The following SHTN1 variants were observed in gnomAD, a reference collection of about 807,000 sequenced individuals.
SHTN1 encodes the protein shootin-1.
In SHTN1, 42 loss-of-function variants were observed where a neutral mutation model predicts 83.1. That is an observed-to-expected ratio of 0.51 (90% confidence interval 0.39 to 0.65). The LOEUF (loss-of-function observed/expected upper bound fraction) is 0.65, where lower values mean the gene tolerates loss of function less well. SHTN1 is among the 30% of genes least tolerant of loss of function. The pLI, the probability that SHTN1 is intolerant of heterozygous loss-of-function variation, is 0.00. For missense variants in SHTN1, 622 were observed against 737.8 expected (o/e 0.84, Z 1.82); for synonymous variants, 224 against 247.7 (o/e 0.90, Z 0.90).
chr10:117,058,514 A>C (rs1852856950), intron 1 of SHTN1, among the ~76,000 whole-genome samples: 1 of 152,214 alleles, frequency 6.6e-6, no homozygotes, highest in Non-Finnish European at 1.5e-5. Flanking sequence ...CTATTAAAAA[A>C]AGAACAGAAA....
intron 1 of SHTN1, among the ~76,000 whole-genome samples, chr10:116,987,740 C>A (rs1024186527): frequency 6.6e-6 from 1 of 151,958 alleles, no homozygotes; most frequent in South Asian, 2.1e-4. Context: ...CATAGTGAAA[C>A]CCCGTCTCTA....
chr10:116,989,457 A>T (rs1216725428), intron 1 of SHTN1, among the ~76,000 whole-genome samples: 1 of 152,236 alleles, frequency 6.6e-6, no homozygotes, highest in African/African-American at 2.4e-5. Flanking sequence ...ACTAAAGATA[A>T]TTAGGATGCA....
chr10:116,910,771 A>G (rs1419832), intron 14 of SHTN1, among the ~76,000 whole-genome samples: 90,652 of 152,072 alleles, frequency 0.6, 29,991 homozygotes, highest in Non-Finnish European at 0.74. Flanking sequence ...CAAAGAATCT[A>G]TTAGATAATC....
At chr10:116,963,514 A>G (rs1366426717) in intron 3 of SHTN1, among the ~76,000 whole-genome samples, 1 of 152,204 alleles carries the variant, frequency 6.6e-6, no homozygotes, top group Non-Finnish European at 1.5e-5. Context: ...GGTTTAAAAA[A>G]GAAAAAAGAT....
intron 9 of SHTN1, among the ~76,000 whole-genome samples, chr10:116,937,065 G>A (rs1364319769): frequency 6.6e-6 from 1 of 152,002 alleles, no homozygotes; most frequent in African/African-American, 2.4e-5. Context: ...CTTTACACGT[G>A]AGATGGGTCT....
intron 1 of SHTN1, among the ~76,000 whole-genome samples, chr10:117,073,630 A>G (rs1284608904): frequency 2.0e-5 from 3 of 152,202 alleles, no homozygotes; most frequent in Admixed American, 6.5e-5. Flanking sequence ...ACATCAAAGT[A>G]TGGGTGATGC....
intron 1 of SHTN1, among the ~76,000 whole-genome samples, chr10:117,083,613 T>A (rs1474558115): frequency 2.0e-5 from 3 of 150,704 alleles, no homozygotes; most frequent in Non-Finnish European, 4.5e-5. Context: ...TTCTCCTGGA[T>A]AATATCCTGC....
chr10:117,028,647 C>T (rs1308403172), intron 2 of SHTN1, among the ~76,000 whole-genome samples: 2 of 152,132 alleles, frequency 1.3e-5, no homozygotes, highest in African/African-American at 4.8e-5. Context: ...CCAGGTACAA[C>T]CTGGGCCACT....
chr10:116,889,586 T>G (rs1191871411), intron 16 of SHTN1, among the ~76,000 whole-genome samples: 1 of 152,082 alleles, frequency 6.6e-6, no homozygotes, highest in African/African-American at 2.4e-5. Flanking sequence ...TGATGGGGCA[T>G]GAAGAGGGGA....
intron 12 of SHTN1, among the ~76,000 whole-genome samples, chr10:116,916,503 G>C (rs531940666): frequency 6.6e-6 from 1 of 152,264 alleles, no homozygotes; most frequent in Non-Finnish European, 1.5e-5. Context: ...ATTGGCTTCT[G>C]AAGTTTCTGC....
chr10:116,996,166 A>G (rs188953705), intron 1 of SHTN1, among the ~76,000 whole-genome samples: 25 of 152,318 alleles, frequency 1.6e-4, no homozygotes, highest in African/African-American at 5.5e-4. Flanking sequence ...TGAGAGAGGA[A>G]AAATATTTTC....
chr10:117,057,331 A>C (rs1272146620), intron 1 of SHTN1, among the ~76,000 whole-genome samples: 6 of 152,188 alleles, frequency 3.9e-5, no homozygotes. Flanking sequence ...GCAGCTGTAC[A>C]CATATTCCAG....
intron 2 of SHTN1, among the ~76,000 whole-genome samples, chr10:117,045,816 A>G (rs1852653624): frequency 6.6e-6 from 1 of 152,216 alleles, no homozygotes; most frequent in Admixed American, 6.5e-5. Context: ...TCAGACTGGT[A>G]TTTAAAGTAA....
intron 9 of SHTN1, 94 bp downstream of exon 9, chr10:116,940,372 C>G: frequency 7.8e-6 from 10 of 1,277,098 alleles, no homozygotes; most frequent in Non-Finnish European, 1.1e-5. Context: ...CAGTAAATGA[C>G]TGGACTGACT....
chr10:116,940,922 C>A (rs1456352089), intron 8 of SHTN1, among the ~76,000 whole-genome samples: 2 of 152,010 alleles, frequency 1.3e-5, no homozygotes, highest in East Asian at 3.8e-4. Context: ...AAGAATTTAC[C>A]TTGTGTACTC....
At chr10:116,945,648 C>A (rs1431037093) in intron 7 of SHTN1, among the ~76,000 whole-genome samples, 1 of 152,142 alleles carries the variant, frequency 6.6e-6, no homozygotes. Context: ...CAAGAGGCAA[C>A]TGGTAAAAAT....
At chr10:116,914,947 C>T (rs904526193) in intron 13 of SHTN1, among the ~76,000 whole-genome samples, 1 of 152,106 alleles carries the variant, frequency 6.6e-6, no homozygotes, top group Non-Finnish European at 1.5e-5. Flanking sequence ...TATGTGATTC[C>T]GTCCACTATA....
chr10:116,953,632 T>G (rs1279936121), intron 5 of SHTN1, among the ~76,000 whole-genome samples: 2 of 141,232 alleles, frequency 1.4e-5, no homozygotes, highest in East Asian at 2.1e-4. Flanking sequence ...TGTTTTTTTT[T>G]TTTTTTTTTT....
upstream of SHTN1, among the ~76,000 whole-genome samples, chr10:117,006,702 C>G (rs1852019270): frequency 6.6e-6 from 1 of 151,942 alleles, no homozygotes. Flanking sequence ...ACTTATTGCA[C>G]AGCTTGGTTT....
Sources: gnomAD v4.1 joint callset for allele counts (sites outside exome capture counted in the v4.1 genomes callset) on GRCh38, gnomAD v4.1.1 for gene constraint, MANE v1.5 for transcripts, NCBI Gene and HGNC (gene_info 2026-07-23, HGNC 2026-07-21) for gene names.